CCDC91: variants seen among roughly 807,000 people sequenced by gnomAD.
CCDC91 encodes coiled-coil domain containing 91.
CCDC91 carries 48 observed loss-of-function variants against 63.2 expected under a neutral mutation model. The ratio of observed to expected loss-of-function variants is 0.76; its 90% confidence interval spans 0.60 to 0.97. The LOEUF (loss-of-function observed/expected upper bound fraction) is 0.97. CCDC91 is among the 50% of genes least tolerant of loss of function. The probability of loss-of-function intolerance (pLI) is 0.00; values close to 1 mark genes in which losing one functional copy is unlikely to be tolerated. For missense variants in CCDC91, 500 were observed against 494.6 expected, an observed-to-expected ratio of 1.01 and a Z score of -0.10; for synonymous variants, 167 against 165.8, an observed-to-expected ratio of 1.01 and a Z score of -0.06.
chr12:28,241,532 T>C (rs1452462281), intron 1 of CCDC91, among the ~76,000 whole-genome samples: 1 of 152,116 alleles, frequency 6.6e-6, no homozygotes, highest in East Asian at 1.9e-4. Flanking sequence ...CTCTCTCAGG[T>C]AATCTAATCT....
intron 8 of CCDC91, among the ~76,000 whole-genome samples, chr12:28,446,656 G>A (rs549901161): frequency 1.3e-5 from 2 of 152,110 alleles, no homozygotes; most frequent in African/African-American, 2.4e-5. Context: ...TAGAGACCAC[G>A]GTTTTATCCT....
At chr12:28,377,920 A>G (rs1428232163) in intron 7 of CCDC91, among the ~76,000 whole-genome samples, 2 of 152,000 alleles carry the variant, frequency 1.3e-5, no homozygotes, top group African/African-American at 4.8e-5. Flanking sequence ...TAAATACTTT[A>G]CCATCTTAAT....
chr12:28,223,500 G>A (rs897538531), intron 1 of CCDC91, among the ~76,000 whole-genome samples: 1 of 152,010 alleles, frequency 6.6e-6, no homozygotes, highest in South Asian at 2.1e-4. Context: ...CTAGCGTTCT[G>A]GTGCAACTAC....
At chr12:28,315,867 T>C (rs1333977869) in intron 6 of CCDC91, among the ~76,000 whole-genome samples, 1 of 151,822 alleles carries the variant, frequency 6.6e-6, no homozygotes. Flanking sequence ...ATGATAAATA[T>C]ACATATATCT....
intron 12 of CCDC91, among the ~76,000 whole-genome samples, chr12:28,538,685 G>C (rs1283034778): frequency 1.3e-5 from 2 of 152,124 alleles, no homozygotes; most frequent in Non-Finnish European, 2.9e-5. Context: ...TTGCCACACT[G>C]ACTTCCACAA....
intron 1 of CCDC91, among the ~76,000 whole-genome samples, chr12:28,253,474 CA>C (rs1312002326): frequency 2.6e-5 from 4 of 152,146 alleles, no homozygotes; most frequent in Non-Finnish European, 5.9e-5. Flanking sequence ...CCCAGTTGTG[CA>C]GATTCTGGCA....
chr12:28,394,122 C>T (rs924021753), intron 8 of CCDC91, among the ~76,000 whole-genome samples: 3 of 152,096 alleles, frequency 2.0e-5, no homozygotes, highest in Non-Finnish European at 2.9e-5. Context: ...CACCCCAGGA[C>T]GTTTATAGGA....
Position 28,228,511 on chromosome 12 carries a change from A to G in CCDC91, c.-14-28691A>G, listed in dbSNP as rs944635822. Among the ~76,000 whole-genome samples the G allele has an allele frequency of 3.3e-5, 5 of 152,068 alleles. No individual in the cohort carries two copies. The East Asian group carries it at 7.7e-4, about 23-fold the overall frequency. ...CCTCACGAATACAGAATTCTTATCGATGGTAACCAGGCTTCTGCTTGAACC... is the reference window on the plus strand; with the variant it reads ...CCTCACGAATACAGAATTCTTATCGGTGGTAACCAGGCTTCTGCTTGAACC... On this transcript the variant is annotated intron_variant, in intron 1 of 12. Transcript: ENST00000536442.
chr12:28,260,362 A>G (rs1946745705), intron 3 of CCDC91, among the ~76,000 whole-genome samples: 1 of 151,942 alleles, frequency 6.6e-6, no homozygotes, highest in South Asian at 2.1e-4. Context: ...GATATGGGAG[A>G]ATGAGGAAAG....
intron 1 of CCDC91, among the ~76,000 whole-genome samples, chr12:28,202,141 A>C (rs578261312): frequency 1.3e-5 from 2 of 152,120 alleles, no homozygotes; most frequent in South Asian, 4.1e-4. Flanking sequence ...AATAATCTCT[A>C]TTTGGTGAGA....
At chr12:28,459,845 G>A (rs1416059700) in intron 11 of CCDC91, among the ~76,000 whole-genome samples, 1 of 152,126 alleles carries the variant, frequency 6.6e-6, no homozygotes, top group East Asian at 1.9e-4. Flanking sequence ...AAGATACCAT[G>A]TTTTAAAAGA....
At chr12:28,303,608 A>T (rs1432167584) in intron 3 of CCDC91, among the ~76,000 whole-genome samples, 2 of 152,164 alleles carry the variant, frequency 1.3e-5, no homozygotes, top group Non-Finnish European at 2.9e-5. Flanking sequence ...GATCACAGCC[A>T]CATATATACC....
At chr12:28,345,316 A>C (rs1037041874) in intron 6 of CCDC91, among the ~76,000 whole-genome samples, 2 of 152,036 alleles carry the variant, frequency 1.3e-5, no homozygotes, top group African/African-American at 4.8e-5. Context: ...ATACTTTTTC[A>C]CTTAACATAA....
chr12:28,531,223 G>A (rs1941702914), intron 12 of CCDC91, among the ~76,000 whole-genome samples: 1 of 152,080 alleles, frequency 6.6e-6, no homozygotes, highest in Admixed American at 6.6e-5. Flanking sequence ...AATTGGTAAT[G>A]CCGTGAAGAA....
At chr12:28,390,625 C>G (rs1176983238) in intron 7 of CCDC91, among the ~76,000 whole-genome samples, 1 of 152,134 alleles carries the variant, frequency 6.6e-6, no homozygotes, top group Non-Finnish European at 1.5e-5. Flanking sequence ...ATTTATCTGA[C>G]TTGAGTTCCA....
intron 5 of CCDC91, 77 bp from the exon 6 acceptor site, chr12:28,307,568 G>T: frequency 2.8e-6 from 2 of 714,888 alleles, no homozygotes; most frequent in Non-Finnish European, 4.6e-6. Context: ...AATGTTTTCT[G>T]ACATGTTCAT....
chr12:28,380,191 GTAGGGA>G (rs1463284035), intron 7 of CCDC91, among the ~76,000 whole-genome samples: 6 of 152,024 alleles, frequency 3.9e-5, no homozygotes, highest in Non-Finnish European at 7.4e-5. Context: ...GGGGGCTGGG[GTAGGGA>G]TAGCATTAGG....
intron 6 of CCDC91, among the ~76,000 whole-genome samples, chr12:28,359,018 C>T (rs1407070373): frequency 6.6e-6 from 1 of 152,178 alleles, no homozygotes; most frequent in Non-Finnish European, 1.5e-5. Flanking sequence ...TCCTCAGCCT[C>T]CCGAGTAGCT....
chr12:28,227,334 T>G (rs1341498834), intron 1 of CCDC91, among the ~76,000 whole-genome samples: 2 of 152,170 alleles, frequency 1.3e-5, no homozygotes, highest in Admixed American at 6.5e-5. Flanking sequence ...TCTGCATGGA[T>G]GATGACCATG....
Sources: allele counts gnomAD v4.1 joint callset (sites outside exome capture counted in the v4.1 genomes callset), GRCh38; gene constraint gnomAD v4.1.1; transcripts MANE v1.5; gene names NCBI Gene and HGNC (gene_info 2026-07-23, HGNC 2026-07-21).